The following SLC16A1 variants were observed in gnomAD, a reference collection of about 807,000 sequenced individuals.
SLC16A1 encodes the protein monocarboxylate transporter 1.
SLC16A1 carries 11 observed loss-of-function variants against 32.2 expected under a neutral mutation model. The observed-to-expected ratio is 0.34, with a 90% confidence interval of 0.21 to 0.56. SLC16A1 has a LOEUF of 0.56. SLC16A1 is among the 20% of genes least tolerant of loss of function. The pLI, the probability that SLC16A1 is intolerant of heterozygous loss-of-function variation, is 0.87. For synonymous variants in SLC16A1, 231 were observed against 226.8 expected (o/e 1.02, Z -0.17); for missense variants, 435 against 615.0 (o/e 0.71, Z 3.10).
chr1:112,952,698 T>A (rs1649940560), intron 1 of SLC16A1, among the ~76,000 whole-genome samples: 1 of 152,144 alleles, frequency 6.6e-6, no homozygotes, highest in East Asian at 1.9e-4. Context: ...GTCGCTCAAC[T>A]CTTTGTGTTT....
rs1648405969 is a variant in SLC16A1 at position 112,913,830 on chromosome 1, T to G, written c.*61A>C. The G allele has an allele frequency of 1.9e-6, 3 of 1,589,656 alleles. No individual in the cohort carries two copies. Among genetic ancestry groups the G allele is most frequent in the Non-Finnish European group, 1.7e-6 (2 of 1,158,332 alleles). ...GCACCACTGGTAGATTACAGGCCAG[T>G]AGAATATTTTCAGATATCCTGGGTC... On this transcript the variant is annotated 3_prime_UTR_variant, in exon 5 of 5. Transcript: ENST00000369626.
At chr1:112,919,873 C>T (rs917652100) in intron 3 of SLC16A1, among the ~76,000 whole-genome samples, 10 of 152,274 alleles carry the variant, frequency 6.6e-5, no homozygotes, top group African/African-American at 2.4e-4. Flanking sequence ...CAGTTCTTCC[C>T]TGTCACAACA....
chr1:112,922,888 G>C (rs984998241), intron 2 of SLC16A1, among the ~76,000 whole-genome samples: 1 of 152,184 alleles, frequency 6.6e-6, no homozygotes, highest in African/African-American at 2.4e-5. Flanking sequence ...TAGAGTACTT[G>C]TATATTATCA....
chr1:112,951,716 A>G (rs935584333), intron 1 of SLC16A1, among the ~76,000 whole-genome samples: 7 of 152,248 alleles, frequency 4.6e-5, no homozygotes, highest in Non-Finnish European at 8.8e-5. Context: ...AAATGTTAAC[A>G]TCAAGTGCTA....
chr1:112,921,938 C>A, intron 3 of SLC16A1, 52 bp downstream of exon 3: 5 of 1,605,886 alleles, frequency 3.1e-6, no homozygotes, highest in Non-Finnish European at 4.3e-6. Flanking sequence ...CAGGTAAATA[C>A]AAAATAGCCA....
chr1:112,934,093 G>C (rs1424162594), intron 1 of SLC16A1, among the ~76,000 whole-genome samples: 1 of 152,174 alleles, frequency 6.6e-6, no homozygotes, highest in African/African-American at 2.4e-5. Flanking sequence ...CTAGACAAAA[G>C]ATTGTATTCT....
intron 1 of SLC16A1, among the ~76,000 whole-genome samples, chr1:112,940,872 C>T (rs1649484307): frequency 6.6e-6 from 1 of 152,134 alleles, no homozygotes; most frequent in South Asian, 2.1e-4. Flanking sequence ...TTTACGAGTT[C>T]TTTAGACAAA....
intron 2 of SLC16A1, chr1:112,924,113 G>C (rs1232882498): frequency 7.3e-7 from 1 of 1,367,812 alleles, no homozygotes; most frequent in Non-Finnish European, 1.0e-6. Context: ...TGCAGGCCGC[G>C]TATGGCGCCA....
At position 112,917,833 on chromosome 1, in the gene SLC16A1, A is replaced by G. The variant is rs778061865; in HGVS notation, c.573T>C (p.Ala191=). 6.2e-7 allele frequency: 1 copy of G among 1,614,144 alleles called. No individual in the cohort carries two copies. The highest frequency in any genetic ancestry group is 1.7e-5 in the Admixed American group (1 of 60,016). Residue 191 remains alanine, a synonymous_variant, in exon 4 of 5, where the codon GCT becomes GCC. Coordinates refer to ENST00000369626, the MANE Select transcript of SLC16A1 (RefSeq NM_003051.4). The surrounding 1 kb of genome is among the most constrained non-coding windows in gnomAD (Gnocchi z 4.1). The part of the protein sequence containing the change: ...LGGLLLNCCV[A]GALMRPIGPK... Reference sequence around the variant, plus strand: ...GCCCGATTGGTCGCATGAGGGCTCCAGCAACACAGCAGTTTAGTAGCAAGC... The same window carrying G: ...GCCCGATTGGTCGCATGAGGGCTCCGGCAACACAGCAGTTTAGTAGCAAGC...
At chr1:112,946,623 G>A (rs535741013) in intron 1 of SLC16A1, among the ~76,000 whole-genome samples, 17 of 152,176 alleles carry the variant, frequency 1.1e-4, no homozygotes, top group Non-Finnish European at 2.4e-4. Context: ...GCACTATCTC[G>A]GCTCACTGCA....
At chr1:112,923,747 G>C in intron 2 of SLC16A1, 1 of 1,526,374 alleles carries the variant, frequency 6.6e-7, no homozygotes, top group Non-Finnish European at 9.1e-7. Flanking sequence ...AGCTGCACCA[G>C]GAGGGCAAGT....
chr1:112,956,015 C>T lies in SLC16A1; in HGVS notation c.-45+20G>A, dbSNP rs1293617835. The T allele has an allele frequency of 6.6e-6, 1 of 152,230 alleles. No individual in the cohort carries two copies. The highest frequency in any genetic ancestry group is 6.5e-5 in the Admixed American group (1 of 15,280). The allele number at this position is 152,230 out of a possible 1,614,324, so 9.4% of individuals were successfully genotyped here. A position where few individuals can be genotyped will look rare whatever the true frequency, so the allele number is the denominator to read the frequency against. ...ACCGTGGGGTCCGCGCCGCGTGCCG[C>T]CGGCTGTTACCCAACTAACCGTTAT... is the stretch of plus-strand genomic sequence containing the variant. On this transcript the variant is annotated intron_variant, in intron 1 of 4. Transcript: ENST00000369626.
At chr1:112,931,362 T>C (rs952544393) in intron 1 of SLC16A1, among the ~76,000 whole-genome samples, 2 of 152,014 alleles carry the variant, frequency 1.3e-5, no homozygotes, top group Non-Finnish European at 2.9e-5. Flanking sequence ...ATGGTAGTTT[T>C]AGGCCAGGCG....
intron 2 of SLC16A1, chr1:112,923,303 C>T (rs142170475): frequency 2.6e-4 from 105 of 400,024 alleles, no homozygotes; most frequent in African/African-American, 1.9e-3. Flanking sequence ...AGTGAAACTC[C>T]GTCTCAAAAA....
rs1049434 is a variant in SLC16A1 at position 112,913,924 on chromosome 1, A to T, written c.1470T>A (p.Asp490Glu). 0.58 allele frequency: 940,051 copies of T among 1,613,802 alleles called. 278,152 individuals carry two copies. Among genetic ancestry groups the T allele is most frequent in the African/African-American group, 0.86 (64,552 of 74,980 alleles). The change falls in exon 5 of 5, where the codon GAT (aspartate) becomes GAA (glutamate). Residue 490 changes from aspartate (D) to glutamate (E), a missense_variant. By Grantham distance (45) the Asp-to-Glu change is conservative. Coordinates refer to ENST00000369626, the MANE Select transcript of SLC16A1 (RefSeq NM_003051.4). The part of the protein sequence containing the change: ...AAESPDQKDT[D>E]GGPKEEESPV ...GACTTTCCTCCTCCTTGGGCCCTCC[A>T]TCTGTGTCTTTCTGGTCCGGAGATT...
intron 1 of SLC16A1, among the ~76,000 whole-genome samples, chr1:112,946,149 C>T (rs1003011477): frequency 2.6e-5 from 4 of 152,128 alleles, no homozygotes; most frequent in Admixed American, 2.6e-4. Flanking sequence ...ATATTGCCAA[C>T]TTGCTGTTAA....
intron 1 of SLC16A1, among the ~76,000 whole-genome samples, chr1:112,950,737 C>T (rs1189851725): frequency 6.6e-6 from 1 of 152,180 alleles, no homozygotes; most frequent in Admixed American, 6.5e-5. Flanking sequence ...TAGCTCACAC[C>T]TGTAATCCCA....
intron 4 of SLC16A1, 46 bp from the exon 5 acceptor site, chr1:112,914,211 G>GT (rs147659480): frequency 4.1e-4 from 655 of 1,587,478 alleles, no homozygotes; most frequent in Non-Finnish European, 4.7e-4. Context: ...AGAGTAAACA[G>GT]TTTTTTTTTC....
In SLC16A1 at chr1:112,917,350, G is replaced by C. The variant is rs750535439; in HGVS notation, c.1056C>G (p.Thr352=). Residue 352 remains threonine (T), a synonymous_variant, in exon 4 of 5, where the codon ACC becomes ACG. Transcript: ENST00000369626. The surrounding 1 kb of genome is among the most constrained non-coding windows in gnomAD (Gnocchi z 4.1). ...CCGCATAGACACAGAATCCAACATA[G>C]GTAGTGGATAAAGGTGCTAGCATAT... ...VCHMLAPLST[T]YVGFCVYAGF... 2.5e-6 allele frequency: 4 copies of C among 1,614,156 alleles called. No individual in the cohort carries two copies. In the Admixed American group the frequency reaches 6.7e-5, roughly 27 times the overall value.
Sources: gnomAD v4.1 joint callset for allele counts (sites outside exome capture counted in the v4.1 genomes callset) on GRCh38, gnomAD v4.1.1 for gene constraint, Gnocchi (gnomAD v3.1) non-coding constraint, MANE v1.5 for transcripts, NCBI Gene and HGNC (gene_info 2026-07-23, HGNC 2026-07-21) for gene names.